TRIP12: variants seen among roughly 807,000 people sequenced by gnomAD.
TRIP12 encodes thyroid hormone receptor interactor 12, also known as E3 ubiquitin-protein ligase TRIP12.
A neutral mutation model predicts 244.2 loss-of-function variants in TRIP12; 25 were observed. That is an observed-to-expected ratio of 0.10 (90% confidence interval 0.07 to 0.14). The LOEUF (loss-of-function observed/expected upper bound fraction) is 0.14. Ranked by LOEUF, TRIP12 falls within the 10% of genes least tolerant of loss-of-function variation. The pLI, the probability that TRIP12 is intolerant of heterozygous loss-of-function variation, is 1.00. For synonymous variants in TRIP12, 905 were observed against 873.1 expected (o/e 1.04, Z -0.64); for missense variants, 1,677 against 2,486.4 (o/e 0.67, Z 6.92).
At chr2:229,902,269 G>A (rs2071138873) in intron 1 of TRIP12, among the ~76,000 whole-genome samples, 1 of 152,010 alleles carries the variant, frequency 6.6e-6, no homozygotes. Flanking sequence ...TACAGTCCCA[G>A]CTACTCGGGA....
At chr2:229,859,738 A>G (rs566390717) in intron 3 of TRIP12, among the ~76,000 whole-genome samples, 164 bp from the exon 4 acceptor site, 28 of 152,394 alleles carry the variant, frequency 1.8e-4, no homozygotes, top group African/African-American at 6.7e-4. Context: ...AAAGAACAAA[A>G]CAAAAGCAGA....
chr2:229,841,551 A>G (rs1201164873), intron 4 of TRIP12, among the ~76,000 whole-genome samples: 1 of 152,242 alleles, frequency 6.6e-6, no homozygotes. Flanking sequence ...GTATCAATTA[A>G]GTAAAGTTTA....
At chr2:229,906,998 C>T (rs889512876) in intron 1 of TRIP12, among the ~76,000 whole-genome samples, 14 of 152,106 alleles carry the variant, frequency 9.2e-5, no homozygotes, top group Non-Finnish European at 1.9e-4. Context: ...GAAACAGCCC[C>T]CCACAAAACT....
chr2:229,891,795 C>T (rs1340420952), intron 1 of TRIP12, among the ~76,000 whole-genome samples: 1 of 152,190 alleles, frequency 6.6e-6, no homozygotes, highest in African/African-American at 2.4e-5. Flanking sequence ...AAAACTGCCA[C>T]TGATATCCTT....
intron 38 of TRIP12, among the ~76,000 whole-genome samples, chr2:229,772,705 G>A (rs545861101): frequency 1.2e-4 from 18 of 152,004 alleles, no homozygotes; most frequent in African/African-American, 1.9e-4. Context: ...CTCGTGATCC[G>A]CCCGCCTTGG....
chr2:229,811,798 C>T (rs541067950), intron 13 of TRIP12, among the ~76,000 whole-genome samples: 17 of 152,232 alleles, frequency 1.1e-4, no homozygotes, highest in African/African-American at 3.4e-4. Flanking sequence ...GTTTTACTGG[C>T]TAATGTTTTG....
At position 229,902,401 on chromosome 2, in the gene TRIP12, A is replaced by AT. The variant is rs570398670; in HGVS notation, c.-50+19478dup. 2.1e-4 allele frequency among the ~76,000 whole-genome samples: 32 copies of AT among 152,270 alleles called. 2 individuals carry two copies. In the South Asian group the frequency reaches 6.6e-3, roughly 32 times the overall value. Reference sequence around the variant, plus strand: ...TCCTCCCCCCACCAAAAAAAAAAGAATTTTAACATTTCTTTCTCATATGAA... The same window carrying AT: ...TCCTCCCCCCACCAAAAAAAAAAGAATTTTTAACATTTCTTTCTCATATGAA... On this transcript the variant is annotated intron_variant, in intron 1 of 41. Transcript: ENST00000675903.
intron 5 of TRIP12, among the ~76,000 whole-genome samples, chr2:229,840,263 A>G (rs971949207): frequency 3.3e-5 from 5 of 152,238 alleles, no homozygotes; most frequent in East Asian, 1.9e-4. Context: ...CAACAAAGGA[A>G]AAGTAGAAGA....
upstream of TRIP12, chr2:229,922,376 G>A (rs1222802546): frequency 3.8e-6 from 3 of 793,862 alleles, no homozygotes; most frequent in Admixed American, 2.4e-5. Flanking sequence ...CCTTGGAAGA[G>A]GGGACGATCG....
intron 1 of TRIP12, among the ~76,000 whole-genome samples, chr2:229,884,796 C>A (rs2065666810): frequency 6.6e-6 from 1 of 152,012 alleles, no homozygotes; most frequent in Non-Finnish European, 1.5e-5. Context: ...GGTACAGAAA[C>A]CTTGTCTCTG....
At chr2:229,831,913 A>T in intron 6 of TRIP12, among the ~76,000 whole-genome samples, 1 of 131,900 alleles carries the variant, frequency 7.6e-6, no homozygotes, top group East Asian at 2.3e-4. Flanking sequence ...AACACAGATG[A>T]TTGATCTACA....
At chr2:229,858,401 TC>T (rs1204300742) in intron 4 of TRIP12, among the ~76,000 whole-genome samples, 1 of 152,148 alleles carries the variant, frequency 6.6e-6, no homozygotes, top group Non-Finnish European at 1.5e-5. Context: ...TCATGGCAAC[TC>T]ATAACTAAAA....
intron 1 of TRIP12, chr2:229,921,474 TTC>T (rs1053684741): frequency 3.3e-5 from 4 of 120,452 alleles, no homozygotes; most frequent in Non-Finnish European, 5.2e-5. Flanking sequence ...GCCCCCCACT[TTC>T]TCTCTTCCCA....
chr2:229,789,097 C>A (rs2154256948), intron 31 of TRIP12, among the ~76,000 whole-genome samples, 157 bp from the exon 32 acceptor site: 1 of 152,336 alleles, frequency 6.6e-6, no homozygotes, highest in Admixed American at 6.5e-5. Flanking sequence ...TGTGTCCCAA[C>A]TAAAACAACA....
At chr2:229,817,926 C>T (rs943626686) in intron 9 of TRIP12, among the ~76,000 whole-genome samples, 17 of 152,214 alleles carry the variant, frequency 1.1e-4, no homozygotes, top group African/African-American at 4.1e-4. Context: ...AAAGGATCCA[C>T]ATATATACCA....
At chr2:229,897,284 T>TA (rs1270606786) in intron 1 of TRIP12, among the ~76,000 whole-genome samples, 8 of 152,192 alleles carry the variant, frequency 5.3e-5, no homozygotes, top group African/African-American at 1.9e-4. Flanking sequence ...ATTAAAAAAC[T>TA]AAAAAATACC....
At chr2:229,873,855 A>G (rs777712141) in intron 2 of TRIP12, among the ~76,000 whole-genome samples, 1 of 152,170 alleles carries the variant, frequency 6.6e-6, no homozygotes. Context: ...GGGGGTGAGA[A>G]GTAGGCAACT....
chr2:229,849,556 T>C (rs1011632755), intron 4 of TRIP12, among the ~76,000 whole-genome samples: 33 of 152,100 alleles, frequency 2.2e-4, no homozygotes, highest in African/African-American at 7.9e-4. Context: ...GCAGAAAGAC[T>C]GCTTTAAAAA....
intron 21 of TRIP12, among the ~76,000 whole-genome samples, chr2:229,800,306 T>C (rs1000872494): frequency 1.2e-4 from 19 of 152,220 alleles, no homozygotes; most frequent in African/African-American, 4.6e-4. Context: ...ATTAGAATCA[T>C]TTGCAAAATT....
Sources: allele counts gnomAD v4.1 joint callset (sites outside exome capture counted in the v4.1 genomes callset), GRCh38; gene constraint gnomAD v4.1.1; transcripts MANE v1.5; gene names NCBI Gene and HGNC (gene_info 2026-07-23, HGNC 2026-07-21).